NCOR2: variants seen among roughly 807,000 people sequenced by gnomAD.
NCOR2 encodes the protein CTG repeat protein 26.
Under a neutral mutation model 262.9 loss-of-function variants are expected in NCOR2, and 81 were observed. The ratio of observed to expected loss-of-function variants is 0.31; its 90% confidence interval spans 0.26 to 0.37. The LOEUF (loss-of-function observed/expected upper bound fraction) is 0.37. Ranked by LOEUF, NCOR2 falls within the 10% of genes least tolerant of loss-of-function variation. The pLI is 1.00. For missense variants in NCOR2, 3,385 were observed against 3,621.4 expected (o/e 0.93, Z 1.68); for synonymous variants, 1,659 against 1,559.3 (o/e 1.06, Z -1.51).
chr12:124,464,153 C>T (rs531855670), intron 5 of NCOR2, among the ~76,000 whole-genome samples: 2 of 151,686 alleles, frequency 1.3e-5, no homozygotes, highest in African/African-American at 4.9e-5. Context: ...AACTCCTTTT[C>T]CTGAAAAAAG....
chr12:124,525,961 AGTTAAT>A (rs758376164), intron 1 of NCOR2, among the ~76,000 whole-genome samples: 11 of 152,224 alleles, frequency 7.2e-5, no homozygotes, highest in Admixed American at 3.3e-4. Flanking sequence ...TAGAAATTGT[AGTTAAT>A]GTTAATAATA....
chr12:124,492,162 C>G (rs976345499), intron 1 of NCOR2, among the ~76,000 whole-genome samples: 2 of 152,240 alleles, frequency 1.3e-5, no homozygotes, highest in African/African-American at 4.8e-5. Flanking sequence ...TCGGCATCCA[C>G]GGTCCTGTGG....
chr12:124,368,990 C>G (rs1022493081), intron 20 of NCOR2, among the ~76,000 whole-genome samples: 1 of 152,256 alleles, frequency 6.6e-6, no homozygotes, highest in African/African-American at 2.4e-5. Context: ...CTCCAGCCCC[C>G]TCTTGGGGTG....
chr12:124,342,412 C>T (rs1290545770), intron 33 of NCOR2, among the ~76,000 whole-genome samples: 2 of 152,054 alleles, frequency 1.3e-5, no homozygotes, highest in East Asian at 1.9e-4. Context: ...CTCTGTCGCC[C>T]AGGCTGGAGT....
At chr12:124,400,369 T>G in intron 15 of NCOR2, 132 bp downstream of exon 17, 3 of 1,264,996 alleles carry the variant, frequency 2.4e-6, no homozygotes, top group Non-Finnish European at 3.3e-6. Flanking sequence ...CGCTGGGATT[T>G]GACTCCAACC....
Position 124,477,919 on chromosome 12 carries a change from G to C in NCOR2, c.412-4788C>G, listed in dbSNP as rs376530042. ...AGTTTATTATGCAAAACTGAAGACAGAGAGGCAGAAAAGCCCCTGGGCTCC... is the reference window on the plus strand; with the variant it reads ...AGTTTATTATGCAAAACTGAAGACACAGAGGCAGAAAAGCCCCTGGGCTCC... On this transcript the variant is annotated intron_variant, in intron 3 of 46. Transcript: ENST00000405201. Among the ~76,000 whole-genome samples the C allele has an allele frequency of 3.9e-3, 592 of 152,350 alleles. 2 individuals carry two copies. The highest frequency in any genetic ancestry group is 0.014 in the African/African-American group (570 of 41,578).
chr12:124,533,116 C>G (rs927309258), intron 1 of NCOR2, among the ~76,000 whole-genome samples: 7 of 150,882 alleles, frequency 4.6e-5, no homozygotes, highest in Non-Finnish European at 8.8e-5. Context: ...CTGCTCCCTC[C>G]AAGACAAAAC....
rs1186448314 is a variant in NCOR2 at position 124,523,349 on chromosome 12, G to A, written c.-118+12216C>T. ...CAGGGGGCAGGTGGCTGCCTGTTCT[G>A]GGGCTCCTGGGAACCCACACCCCGG... On this transcript the variant is annotated intron_variant, in intron 1 of 46. Coordinates refer to the NCOR2 transcript ENST00000404621. This position sits in a 1 kb window ranked among gnomAD's most constrained non-coding sequence, Gnocchi z 4.0. Among the ~76,000 whole-genome samples, 1 of 152,138 alleles carries A rather than the reference G, an allele frequency of 6.6e-6. No homozygotes were observed. Among genetic ancestry groups the A allele is most frequent in the East Asian group, 1.9e-4 (1 of 5,180 alleles).
At chr12:124,484,741 C>T (rs1174032659) in intron 2 of NCOR2, among the ~76,000 whole-genome samples, 1 of 152,184 alleles carries the variant, frequency 6.6e-6, no homozygotes, top group African/African-American at 2.4e-5. Flanking sequence ...CCACACTACA[C>T]CCGCCTGTCT....
chr12:124,362,080 A>G, intron 22 of NCOR2, 46 bp downstream of exon 24: 1 of 1,257,718 alleles, frequency 8.0e-7, no homozygotes, highest in South Asian at 3.8e-5. Flanking sequence ...CTTGCCCGTC[A>G]GTCCCCTGCT....
intron 37 of NCOR2, 103 bp downstream of exon 39, chr12:124,339,903 C>CCCCCT: frequency 2.6e-6 from 2 of 758,300 alleles, no homozygotes; most frequent in Non-Finnish European, 2.1e-6. Context: ...GCCCACCCAC[C>CCCCCT]CACCTCCCAT....
chr12:124,558,867 G>A (rs920276828), intron 1 of NCOR2, among the ~76,000 whole-genome samples: 9 of 152,130 alleles, frequency 5.9e-5, no homozygotes, highest in South Asian at 2.1e-4. Flanking sequence ...CCATTTCACC[G>A]CCAGGGAAAC....
intron 1 of NCOR2, among the ~76,000 whole-genome samples, chr12:124,508,546 CCCGCAGGAAGGGGGTGA>C (rs1342307306): frequency 6.6e-6 from 1 of 152,158 alleles, no homozygotes; most frequent in African/African-American, 2.4e-5. Flanking sequence ...AGGGGAGGGG[CCCGCAGGAAGGGGGTGA>C]CCGCAGCTCA....
exon 47 of NCOR2, chr12:124,325,374 ACCGCC>A: frequency 6.3e-6 from 2 of 316,294 alleles, no homozygotes; most frequent in Non-Finnish European, 8.8e-6. Flanking sequence ...GGGACCTGAC[ACCGCC>A]CCCCCCCCCG....
exon 45 of NCOR2, chr12:124,327,494 G>A (rs535055056): frequency 2.5e-6 from 4 of 1,613,786 alleles, no homozygotes; most frequent in Admixed American, 1.7e-5. Context: ...CATTCAGAGG[G>A]TTAAAAGCAT....
exon 42 of NCOR2, chr12:124,333,215 G>T (rs1190607262): frequency 6.2e-7 from 1 of 1,613,174 alleles, no homozygotes; most frequent in Admixed American, 1.7e-5. Flanking sequence ...CCCTCCGGTG[G>T]GGACACAGGT....
intron 17 of NCOR2, among the ~76,000 whole-genome samples, chr12:124,379,408 G>A (rs1288623578): frequency 5.3e-5 from 8 of 152,220 alleles, no homozygotes; most frequent in Non-Finnish European, 8.8e-5. Flanking sequence ...CTCAGAAAGC[G>A]TTTGTTGACT....
chr12:124,325,597 CGAAA>C lies in NCOR2; in HGVS notation c.7364-18_7364-15del. On this transcript the variant is annotated splice_polypyrimidine_tract_variant and intron_variant, in intron 46 of 46. Transcript: ENST00000405201. Reference sequence around the variant, plus strand: ...ATGGCGTGGAACCTGCGGGAAGAAGCGAAAGATGCCCAGGAGGCCTCTGTGAGCC... The same window carrying C: ...ATGGCGTGGAACCTGCGGGAAGAAGCGATGCCCAGGAGGCCTCTGTGAGCC... The C allele has an allele frequency of 3.2e-6, 4 of 1,268,736 alleles. No individual in the cohort carries two copies. The highest frequency in any genetic ancestry group is 4.0e-6 in the Non-Finnish European group (4 of 997,706). 78.6% of individuals were successfully genotyped at this position (1,268,736 alleles called of 1,614,324 possible). A position where few individuals can be genotyped will look rare whatever the true frequency, so the allele number is the denominator to read the frequency against.
intron 12 of NCOR2, among the ~76,000 whole-genome samples, chr12:124,421,610 C>G (rs2136300315): frequency 6.6e-6 from 1 of 152,358 alleles, no homozygotes; most frequent in East Asian, 1.9e-4. Context: ...CCTGGCCTCC[C>G]TCCTACAACC....
Sources: allele counts gnomAD v4.1 joint callset (sites outside exome capture counted in the v4.1 genomes callset), GRCh38; gene constraint gnomAD v4.1.1; non-coding constraint Gnocchi (gnomAD v3.1); transcripts MANE v1.5; gene names NCBI Gene and HGNC (gene_info 2026-07-23, HGNC 2026-07-21).